TIGD4: variants seen among roughly 807,000 people sequenced by gnomAD.
The protein encoded by TIGD4 is tigger transposable element derived 4.
In TIGD4, 20 loss-of-function variants were observed where a neutral mutation model predicts 24.9. The observed-to-expected ratio is 0.80, with a 90% CI of 0.56 to 1.17. The LOEUF (loss-of-function observed/expected upper bound fraction) is 1.17, where lower values mean the gene tolerates loss of function less well. Ranked by LOEUF, TIGD4 falls within the 50% of genes most tolerant of loss-of-function variation. TIGD4 has a pLI of 0.00. For missense variants in TIGD4, 566 were observed against 591.0 expected (o/e 0.96, Z 0.44); for synonymous variants, 193 against 211.0 (o/e 0.91, Z 0.74).
rs781359912 is a variant in TIGD4, at chr4:152,770,273, A to G, written c.732T>C (p.Gly244=). ...GKKRTPHCFK[G]LKSLPVCYEA... ...CATAACACACAGGCAATGATTTTAAACCTTTGAAACAATGTGGAGTTCTCT... is the reference window on the plus strand; with the variant it reads ...CATAACACACAGGCAATGATTTTAAGCCTTTGAAACAATGTGGAGTTCTCT... Residue 244 remains glycine, a synonymous_variant, in exon 2 of 2, where the codon GGT becomes GGC. Transcript: ENST00000304337. 12 of 1,613,888 alleles carry G rather than the reference A, an allele frequency of 7.4e-6. No individual in the cohort carries two copies. The Admixed American group carries it at 1.0e-4, about 13-fold the overall frequency.
intron 1 of TIGD4, among the ~76,000 whole-genome samples, chr4:152,778,587 C>T (rs2149807780): frequency 6.6e-6 from 1 of 152,262 alleles, no homozygotes; most frequent in African/African-American, 2.4e-5. Flanking sequence ...TAAGACAGAA[C>T]CACTTAAGAT....
rs368414856 is a variant in TIGD4, at chr4:152,769,612, T to C, written c.1393A>G (p.Thr465Ala). Residue 465 changes from threonine (T) to alanine (A), a missense_variant, in exon 2 of 2, where the codon ACT becomes GCT. Coordinates refer to ENST00000304337, the MANE Select transcript of TIGD4 (RefSeq NM_145720.4). ...GATTTTGATGGTAAAGGGAGTTCAG[T>C]TCCTGGAGATCCATCATCATCCTCT... ...DEEDDDGSPGTELPLPSKSEA... is the reference protein window; with the variant it reads ...DEEDDDGSPGAELPLPSKSEA... 9.3e-6 allele frequency: 15 copies of C among 1,613,642 alleles called. No individual in the cohort carries two copies. The highest frequency in any genetic ancestry group is 1.3e-5 in the Non-Finnish European group (15 of 1,179,826).
intron 1 of TIGD4, among the ~76,000 whole-genome samples, chr4:152,775,038 C>G (rs1730239300): frequency 6.6e-6 from 1 of 152,204 alleles, no homozygotes; most frequent in East Asian, 1.9e-4. Context: ...GCCTCAGCCT[C>G]CCAAGTAGCT....
chr4:152,774,134 A>G (rs986617478), intron 1 of TIGD4, among the ~76,000 whole-genome samples: 1 of 151,428 alleles, frequency 6.6e-6, no homozygotes, highest in African/African-American at 2.4e-5. Flanking sequence ...AAAATCTATC[A>G]TGTCAAACAG....
rs752758858 is a variant in TIGD4, at chr4:152,769,668, G to A, written c.1337C>T (p.Ser446Leu). Residue 446 changes from serine (S) to leucine (L), a missense_variant, in exon 2 of 2, where the codon TCG becomes TTG. Coordinates refer to ENST00000304337, the MANE Select transcript of TIGD4 (RefSeq NM_145720.4). ...AGAAGTGTAAAATCCAGTTTCATCC[G>A]ATTTACTTTCTTTGGTGCATATGGA... is the stretch of plus-strand genomic sequence containing the variant. ...GDSICTKESK[S>L]DETGFYTSDE... The A allele has an allele frequency of 5.6e-6, 9 of 1,612,990 alleles. No individual in the cohort carries two copies. Among genetic ancestry groups the A allele is most frequent in the African/African-American group, 5.3e-5 (4 of 74,850 alleles).
rs751900684 is a variant in TIGD4 at position 152,769,658 on chromosome 4, A to G, written c.1347T>C (p.Thr449=). ...ICTKESKSDE[T]GFYTSDEEDD... is the part of the protein sequence containing the mutation. The stretch of plus-strand genomic sequence containing the variant: ...CCTCTTCATCAGAAGTGTAAAATCC[A>G]GTTTCATCCGATTTACTTTCTTTGG... The change falls in exon 2 of 2, where the codon ACT becomes ACC. Residue 449 remains threonine, a synonymous_variant. Transcript: ENST00000304337. 1 of 1,613,262 alleles carries G rather than the reference A, an allele frequency of 6.2e-7. No individual in the cohort carries two copies. Among genetic ancestry groups the G allele is most frequent in the Non-Finnish European group, 8.5e-7 (1 of 1,179,622 alleles).
chr4:152,775,348 T>C (rs1339332534), intron 1 of TIGD4, among the ~76,000 whole-genome samples: 2 of 152,236 alleles, frequency 1.3e-5, no homozygotes, highest in Non-Finnish European at 2.9e-5. Context: ...ATTTATTATC[T>C]CACAGTTCTG....
At chr4:152,775,136 C>T (rs1052794386) in intron 1 of TIGD4, among the ~76,000 whole-genome samples, 1 of 152,092 alleles carries the variant, frequency 6.6e-6, no homozygotes, top group Non-Finnish European at 1.5e-5. Context: ...AGGATGGTCT[C>T]CATCTTCTGA....
Position 152,769,998 on chromosome 4 carries a change from T to G in TIGD4, c.1007A>C (p.Lys336Thr). ...ACCTTCAACAGAGCTTAAAAATTTC[T>G]TGATAAGACAGTGTCGATATTTGAT... Reference protein sequence around the residue: ...LKIKYRHCLIKKFLSSVEGSK... With the variant: ...LKIKYRHCLITKFLSSVEGSK... The change falls in exon 2 of 2, where the codon AAG becomes ACG. Residue 336 changes from lysine (K) to threonine (T), a missense_variant. Coordinates refer to ENST00000304337, the MANE Select transcript of TIGD4 (RefSeq NM_145720.4). The G allele has an allele frequency of 6.2e-7, 1 of 1,609,560 alleles. No homozygotes were observed. Among genetic ancestry groups the G allele is most frequent in the Non-Finnish European group, 8.5e-7 (1 of 1,176,926 alleles).
chr4:152,770,534 G>A lies in TIGD4; in HGVS notation c.471C>T (p.Asp157=). The A allele has an allele frequency of 6.2e-7, 1 of 1,613,154 alleles. No individual in the cohort carries two copies. The highest frequency in any genetic ancestry group is 1.1e-5 in the South Asian group (1 of 90,918). The stretch of plus-strand genomic sequence containing the variant: ...CATTTTGGTACCAGACAGTCGAAGG[G>A]TCTACTGGTACACCTGTAGCTTCTA... ...QPVEATGVPV[D]PSTVWYQNVL... Residue 157 remains aspartate (D), a synonymous_variant, in exon 2 of 2, where the codon GAC becomes GAT. Coordinates refer to ENST00000304337, the MANE Select transcript of TIGD4 (RefSeq NM_145720.4).
chr4:152,771,042 T>C lies in TIGD4; in HGVS notation c.-38A>G, dbSNP rs1730163611. ...TTATGTAGAGATTACTCTTCTTAACTTCCTGGTGACTGTTTCTTTAATTAA... is the reference window on the plus strand; with the variant it reads ...TTATGTAGAGATTACTCTTCTTAACCTCCTGGTGACTGTTTCTTTAATTAA... On this transcript the variant is annotated 5_prime_UTR_variant, in exon 2 of 2. Coordinates refer to ENST00000304337, the MANE Select transcript of TIGD4 (RefSeq NM_145720.4). 6.5e-7 allele frequency: 1 copy of C among 1,544,046 alleles called. No individual in the cohort carries two copies. The highest frequency in any genetic ancestry group is 1.4e-5 in the African/African-American group (1 of 71,784).
At chr4:152,772,767 A>G (rs1337980579) in intron 1 of TIGD4, among the ~76,000 whole-genome samples, 1 of 151,320 alleles carries the variant, frequency 6.6e-6, no homozygotes, top group African/African-American at 2.4e-5. Flanking sequence ...GCTGGTATAC[A>G]GTGGCACAAT....
chr4:152,769,366 C>T lies in TIGD4; in HGVS notation c.*100G>A. 1 of 835,192 alleles carries T rather than the reference C, an allele frequency of 1.2e-6. No homozygotes were observed. The highest frequency in any genetic ancestry group is 1.7e-6 in the Non-Finnish European group (1 of 594,132). 51.7% of individuals were successfully genotyped at this position (835,192 alleles called of 1,614,324 possible). ...ATTAAACCAAGGATTAGCAGTTTTCCATTTTTTATGTTTAAGTGGTGTGGT... is the reference window on the plus strand; with the variant it reads ...ATTAAACCAAGGATTAGCAGTTTTCTATTTTTTATGTTTAAGTGGTGTGGT... On this transcript the variant is annotated 3_prime_UTR_variant, in exon 2 of 2. Coordinates refer to ENST00000304337, the MANE Select transcript of TIGD4 (RefSeq NM_145720.4).
Position 152,770,956 on chromosome 4 carries a change from T to C in TIGD4, c.49A>G (p.Lys17Glu). 2 of 1,612,638 alleles carry C rather than the reference T, an allele frequency of 1.2e-6. No homozygotes were observed. Among genetic ancestry groups the C allele is most frequent in the Non-Finnish European group, 1.7e-6 (2 of 1,179,706 alleles). The change falls in exon 2 of 2, where the codon AAA becomes GAA. Residue 17 changes from lysine to glutamate, a missense_variant. Lys to Glu is a moderately conservative substitution (Grantham distance 56, BLOSUM62 1). Coordinates refer to ENST00000304337, the MANE Select transcript of TIGD4 (RefSeq NM_145720.4). ...DASTLPVTVKKKKSLSIEEKI... is the reference protein window; with the variant it reads ...DASTLPVTVKEKKSLSIEEKI... ...TCCTCAATGGATAGGCTTTTCTTTT[T>C]CTTCACTGTTACAGGCAGAGTTGAG... is the stretch of plus-strand genomic sequence containing the variant.
intron 1 of TIGD4, among the ~76,000 whole-genome samples, chr4:152,771,762 T>C (rs1242294436): frequency 1.3e-5 from 2 of 152,194 alleles, no homozygotes; most frequent in African/African-American, 4.8e-5. Flanking sequence ...CACTTGCCTT[T>C]GAATGCTTTA....
At chr4:152,772,435 A>G (rs1270095880) in intron 1 of TIGD4, among the ~76,000 whole-genome samples, 1 of 152,162 alleles carries the variant, frequency 6.6e-6, no homozygotes, top group East Asian at 1.9e-4. Flanking sequence ...ACTTAACCAT[A>G]TGAAGCTTCA....
intron 1 of TIGD4, among the ~76,000 whole-genome samples, chr4:152,773,549 A>C (rs1199055555): frequency 5.3e-5 from 8 of 150,766 alleles, no homozygotes; most frequent in Non-Finnish European, 1.2e-4. Flanking sequence ...ACTATATTAC[A>C]GTATCTTTGA....
At chr4:152,778,553 A>T (rs937797909) in intron 1 of TIGD4, among the ~76,000 whole-genome samples, 1 of 152,226 alleles carries the variant, frequency 6.6e-6, no homozygotes, top group African/African-American at 2.4e-5. Flanking sequence ...GGGTTGGCAT[A>T]TATATTTGCT....
intron 1 of TIGD4, among the ~76,000 whole-genome samples, chr4:152,777,278 G>A (rs1333061893): frequency 1.3e-5 from 2 of 152,090 alleles, no homozygotes; most frequent in Non-Finnish European, 2.9e-5. Context: ...TTCCCCACAA[G>A]CCCAATGAAT....
Sources: gnomAD v4.1 joint callset for allele counts (sites outside exome capture counted in the v4.1 genomes callset) on GRCh38, gnomAD v4.1.1 for gene constraint, MANE v1.5 for transcripts, NCBI Gene and HGNC (gene_info 2026-07-23, HGNC 2026-07-21) for gene names.